NTAQ1: variants seen among roughly 807,000 people sequenced by gnomAD.
NTAQ1 encodes protein N-terminal glutamine amidohydrolase.
In NTAQ1, 21 loss-of-function variants were observed where a neutral mutation model predicts 28.2. The observed-to-expected ratio is 0.74, with a 90% CI of 0.53 to 1.07. The LOEUF (loss-of-function observed/expected upper bound fraction) is 1.07, where lower values mean the gene tolerates loss of function less well. NTAQ1 is among the 50% of genes least tolerant of loss of function. NTAQ1 has a pLI of 0.00. For missense variants in NTAQ1, 264 were observed against 256.6 expected (o/e 1.03, Z -0.20); for synonymous variants, 105 against 90.0 (o/e 1.17, Z -0.94).
chr8:123,417,281 G>C (rs1294307813), intron 1 of NTAQ1, among the ~76,000 whole-genome samples: 1 of 152,202 alleles, frequency 6.6e-6, no homozygotes, highest in Non-Finnish European at 1.5e-5. Flanking sequence ...TGGGGTTTCA[G>C]ACTGAGGTGA....
intron 2 of NTAQ1, 62 bp from the exon 3 acceptor site, chr8:123,429,919 AGG>A: frequency 2.7e-6 from 3 of 1,118,914 alleles, no homozygotes; most frequent in Admixed American, 2.4e-5. Context: ...AAAAAAAAAA[AGG>A]AAAATAATTT....
At chr8:123,455,342 T>A (rs771158516) in intron 6 of NTAQ1, among the ~76,000 whole-genome samples, 15 of 152,090 alleles carry the variant, frequency 9.9e-5, no homozygotes, top group Non-Finnish European at 1.9e-4. Flanking sequence ...ACATCCTGGT[T>A]CTTTAGTGCT....
At position 123,441,620 on chromosome 8, in the gene NTAQ1, A is replaced by G; in HGVS notation, c.*205A>G. 2 of 586,504 alleles carry G rather than the reference A, an allele frequency of 3.4e-6. No individual in the cohort carries two copies. Among genetic ancestry groups the G allele is most frequent in the Non-Finnish European group, 6.0e-6 (2 of 330,642 alleles). The allele number at this position is 586,504 out of a possible 1,614,324, so 36.3% of individuals were successfully genotyped here. ...TTGACATGTCAAATTGAAACTTGATAAAGTGCGTACTTGCTAAGATATTCC... is the reference window on the plus strand; with the variant it reads ...TTGACATGTCAAATTGAAACTTGATGAAGTGCGTACTTGCTAAGATATTCC... On this transcript the variant is annotated 3_prime_UTR_variant, in exon 6 of 6. Transcript: ENST00000287387.
chr8:123,473,514 G>A (rs974067375), downstream of NTAQ1, among the ~76,000 whole-genome samples: 19 of 152,030 alleles, frequency 1.2e-4, no homozygotes, highest in Non-Finnish European at 1.8e-4. Flanking sequence ...GGCTGGTCTC[G>A]AACTCCTGAC....
At chr8:123,435,364 TAA>T in intron 3 of NTAQ1, 1 of 660,578 alleles carries the variant, frequency 1.5e-6, no homozygotes, top group Non-Finnish European at 1.9e-6. Flanking sequence ...CTTCTTTTTT[TAA>T]AAAATAGTTT....
chr8:123,441,529 T>G lies in NTAQ1; in HGVS notation c.*114T>G, dbSNP rs146085909. ...TTGGCTTGGAATTATGTCTTTCTCTTTTAATTTGATTGAGTGGAAATCTGA... is the reference window on the plus strand; with the variant it reads ...TTGGCTTGGAATTATGTCTTTCTCTGTTAATTTGATTGAGTGGAAATCTGA... On this transcript the variant is annotated 3_prime_UTR_variant, in exon 6 of 6. Coordinates refer to ENST00000287387, the MANE Select transcript of NTAQ1 (RefSeq NM_018024.3). The G allele has an allele frequency of 4.9e-6, 4 of 809,054 alleles. No homozygotes were observed. Among genetic ancestry groups the G allele is most frequent in the Non-Finnish European group, 8.0e-6 (4 of 499,850 alleles). 50.1% of individuals were successfully genotyped at this position (809,054 alleles called of 1,614,324 possible). A position where few individuals can be genotyped will look rare whatever the true frequency, so the allele number is the denominator to read the frequency against.
At chr8:123,441,125 G>T (rs948000896) in intron 5 of NTAQ1, among the ~76,000 whole-genome samples, 181 bp from the exon 6 acceptor site, 10 of 152,218 alleles carry the variant, frequency 6.6e-5, no homozygotes, top group Admixed American at 3.9e-4. Context: ...CAGTTTGGGT[G>T]TGTGTGTTTT....
chr8:123,424,135 C>T (rs1471303244), intron 1 of NTAQ1, among the ~76,000 whole-genome samples: 23 of 135,526 alleles, frequency 1.7e-4, no homozygotes, highest in African/African-American at 5.8e-4. Context: ...TGCAGTGGTG[C>T]GATCTTGGCT....
At chr8:123,474,559 T>A (rs769019520), downstream of NTAQ1, among the ~76,000 whole-genome samples, 48 of 152,206 alleles carry the variant, frequency 3.2e-4, no homozygotes, top group Non-Finnish European at 3.4e-4. Context: ...CTCCACTAAA[T>A]TACCATTTTT....
At chr8:123,445,977 T>G (rs1815264891), downstream of NTAQ1, among the ~76,000 whole-genome samples, 2 of 74,512 alleles carry the variant, frequency 2.7e-5, no homozygotes, top group African/African-American at 7.4e-5. Context: ...TCCTTTTCCT[T>G]TTTCCTTTTT....
chr8:123,441,428 G>C lies in NTAQ1; in HGVS notation c.*13G>C. ...TAAAAACTGCTGAACTTGGTCTCAA[G>C]ATGTGGAACTGTGGAGAAATTCTAG... On this transcript the variant is annotated 3_prime_UTR_variant, in exon 6 of 6. Coordinates refer to ENST00000287387, the MANE Select transcript of NTAQ1 (RefSeq NM_018024.3). The C allele has an allele frequency of 6.3e-7, 1 of 1,590,374 alleles. No homozygotes were observed. Among genetic ancestry groups the C allele is most frequent in the Non-Finnish European group, 8.6e-7 (1 of 1,165,314 alleles).
intron 1 of NTAQ1, among the ~76,000 whole-genome samples, chr8:123,424,618 A>G (rs1018492870): frequency 1.8e-4 from 11 of 62,262 alleles, no homozygotes; most frequent in African/African-American, 5.8e-4. Flanking sequence ...AGGTGATCCA[A>G]GGTCTTAAAC....
At chr8:123,437,945 T>G (rs3765211) in intron 5 of NTAQ1, among the ~76,000 whole-genome samples, 1 of 151,982 alleles carries the variant, frequency 6.6e-6, no homozygotes, top group African/African-American at 2.4e-5. Flanking sequence ...ACTCGCATGC[T>G]TGTGTCATTT....
chr8:123,462,171 G>A (rs1815841552), intron 6 of NTAQ1, among the ~76,000 whole-genome samples: 1 of 151,836 alleles, frequency 6.6e-6, no homozygotes. Flanking sequence ...TTAGCCTCCC[G>A]AGTAGCTGGG....
At chr8:123,430,093 G>A (rs1158153765) in intron 3 of NTAQ1, 60 bp downstream of exon 3, 2 of 1,368,996 alleles carry the variant, frequency 1.5e-6, no homozygotes, top group Middle Eastern at 1.8e-4. Context: ...TTAGTGTTCT[G>A]TATGTTTTGG....
At chr8:123,454,187 G>T (rs1160295136) in intron 6 of NTAQ1, among the ~76,000 whole-genome samples, 2 of 152,164 alleles carry the variant, frequency 1.3e-5, no homozygotes, top group Admixed American at 1.3e-4. Context: ...GGTTTAGTAA[G>T]CATCCCAGTC....
chr8:123,434,021 A>G (rs1316798796), intron 3 of NTAQ1, among the ~76,000 whole-genome samples: 1 of 151,928 alleles, frequency 6.6e-6, no homozygotes, highest in Admixed American at 6.6e-5. Context: ...CAGGGAAGCC[A>G]AAAGATTGGA....
At chr8:123,426,693 G>C (rs992987888) in intron 1 of NTAQ1, among the ~76,000 whole-genome samples, 25 of 152,144 alleles carry the variant, frequency 1.6e-4, no homozygotes, top group African/African-American at 5.5e-4. Flanking sequence ...GGGCACGGTG[G>C]CTCACTCTGT....
chr8:123,455,422 T>G (rs979312719), intron 6 of NTAQ1, among the ~76,000 whole-genome samples: 15 of 55,330 alleles, frequency 2.7e-4, no homozygotes, highest in Non-Finnish European at 2.4e-4. Flanking sequence ...TGCCCAGAAA[T>G]TTTTTTTTTT....
Sources: gnomAD v4.1 joint callset for allele counts (sites outside exome capture counted in the v4.1 genomes callset) on GRCh38, gnomAD v4.1.1 for gene constraint, MANE v1.5 for transcripts, NCBI Gene and HGNC (gene_info 2026-07-23, HGNC 2026-07-21) for gene names.